The following ARMC9 variants were observed in gnomAD, a reference collection of about 807,000 sequenced individuals.
ARMC9 encodes the protein lisH domain-containing protein ARMC9.
A neutral mutation model predicts 107.0 loss-of-function variants in ARMC9; 94 were observed. That is an observed-to-expected ratio of 0.88 (90% CI 0.74 to 1.04). ARMC9 has a LOEUF of 1.04. Ranked by LOEUF, ARMC9 falls within the 50% of genes least tolerant of loss-of-function variation. The pLI is 0.00. For missense variants in ARMC9, 942 were observed against 1,030.1 expected (o/e 0.91, Z 1.17); for synonymous variants, 380 against 396.9 (o/e 0.96, Z 0.51).
At position 231,347,560 on chromosome 2, in the gene ARMC9, G is replaced by T. The variant is rs146521704; in HGVS notation, c.1994+2470G>T. Among the ~76,000 whole-genome samples, 638 of 152,296 alleles carry T rather than the reference G, an allele frequency of 4.2e-3. 4 individuals are homozygous for T. The highest frequency in any genetic ancestry group is 0.015 in the African/African-American group (603 of 41,544). On this transcript the variant is annotated intron_variant, in intron 21 of 24. Transcript: ENST00000611582. ...CAAAGTTTGAATGCTGGGGGTCTTA[G>T]ACATCATCCTCTACAGATAAGAGAC...
intron 19 of ARMC9, among the ~76,000 whole-genome samples, chr2:231,320,939 C>T (rs142737823): frequency 1.4e-3 from 217 of 152,256 alleles, no homozygotes; most frequent in African/African-American, 5.0e-3. Flanking sequence ...TGCTGAATGT[C>T]GAGTCAGTGA....
At chr2:231,319,283 C>T (rs2125531343) in intron 19 of ARMC9, among the ~76,000 whole-genome samples, 1 of 152,262 alleles carries the variant, frequency 6.6e-6, no homozygotes, top group South Asian at 2.1e-4. Context: ...CCTTGTAGAG[C>T]TCATGAACAT....
At chr2:231,349,240 A>G (rs980768423) in intron 21 of ARMC9, among the ~76,000 whole-genome samples, 1 of 152,234 alleles carries the variant, frequency 6.6e-6, no homozygotes, top group East Asian at 1.9e-4. Flanking sequence ...ACAATGGAGT[A>G]CTATTCAGTG....
At chr2:231,202,503 G>A (rs1314452639) in intron 1 of ARMC9, among the ~76,000 whole-genome samples, 1 of 151,370 alleles carries the variant, frequency 6.6e-6, no homozygotes, top group Non-Finnish European at 1.5e-5. Context: ...TTGTATTTCT[G>A]TAGAGATGAG....
At chr2:231,271,425 G>C (rs912780310) in intron 13 of ARMC9, among the ~76,000 whole-genome samples, 1 of 151,966 alleles carries the variant, frequency 6.6e-6, no homozygotes, top group Admixed American at 6.6e-5. Context: ...AAACAATTAC[G>C]GCAAAATAAG....
At chr2:231,266,676 A>G (rs918601045) in intron 12 of ARMC9, among the ~76,000 whole-genome samples, 5 of 152,146 alleles carry the variant, frequency 3.3e-5, no homozygotes, top group African/African-American at 7.2e-5. Context: ...GACTACTCCA[A>G]ATACCTCATA....
At chr2:231,346,149 A>T (rs1254955737) in intron 21 of ARMC9, among the ~76,000 whole-genome samples, 1 of 152,220 alleles carries the variant, frequency 6.6e-6, no homozygotes, top group Non-Finnish European at 1.5e-5. Context: ...TTAGTTACTG[A>T]TGTATAAACT....
In ARMC9 at chr2:231,374,614, A is replaced by G. The variant is rs1414291687; in HGVS notation, c.*3079A>G. On this transcript the variant is annotated 3_prime_UTR_variant, in exon 25 of 25. Transcript: ENST00000611582. ...AAGGTTCATGAAAAAAAAAGAAAAG[A>G]AAGAAAAGGTAAAGAAAAGAAATCC... 6.6e-6 allele frequency: 1 copy of G among 151,930 alleles called. No individual in the cohort carries two copies. The highest frequency in any genetic ancestry group is 2.4e-5 in the African/African-American group (1 of 41,302). 9.4% of individuals were successfully genotyped at this position (151,930 alleles called of 1,614,324 possible). A position where few individuals can be genotyped will look rare whatever the true frequency, so the allele number is the denominator to read the frequency against.
intron 19 of ARMC9, among the ~76,000 whole-genome samples, chr2:231,299,378 C>G (rs1018360454): frequency 6.6e-6 from 1 of 152,116 alleles, no homozygotes; most frequent in Non-Finnish European, 1.5e-5. Context: ...GCCCTCTTTG[C>G]TGACATTATA....
At chr2:231,294,188 G>A (rs2041207436) in intron 18 of ARMC9, 1 of 152,258 alleles carries the variant, frequency 6.6e-6, no homozygotes, top group Non-Finnish European at 1.5e-5. Flanking sequence ...AACCCCACAG[G>A]TGGGGAAGGA....
intron 3 of ARMC9, among the ~76,000 whole-genome samples, chr2:231,212,900 C>T (rs961713506): frequency 3.3e-5 from 5 of 152,192 alleles, no homozygotes; most frequent in Non-Finnish European, 5.9e-5. Context: ...TCTGAGTTTA[C>T]TTGAAATGTA....
At chr2:231,328,513 C>T (rs1336366952) in intron 19 of ARMC9, among the ~76,000 whole-genome samples, 1 of 152,050 alleles carries the variant, frequency 6.6e-6, no homozygotes, top group Non-Finnish European at 1.5e-5. Context: ...ATGTAAGATA[C>T]GAGAATTAGA....
chr2:231,217,243 A>G (rs2033610560), intron 5 of ARMC9, among the ~76,000 whole-genome samples: 1 of 152,274 alleles, frequency 6.6e-6, no homozygotes, highest in East Asian at 1.9e-4. Context: ...TATACATCAA[A>G]GCAAACAAAA....
chr2:231,352,482 T>C (rs1293445609), intron 21 of ARMC9, among the ~76,000 whole-genome samples: 1 of 151,574 alleles, frequency 6.6e-6, no homozygotes, highest in Non-Finnish European at 1.5e-5. Flanking sequence ...TTTTATTTTA[T>C]TTTTTTATTT....
chr2:231,342,614 G>A (rs1406850442), intron 20 of ARMC9, among the ~76,000 whole-genome samples: 2 of 152,056 alleles, frequency 1.3e-5, no homozygotes, highest in African/African-American at 4.8e-5. Context: ...TCACCCTGGA[G>A]CACCGTGATG....
At chr2:231,204,374 G>A (rs1209852574) in intron 1 of ARMC9, among the ~76,000 whole-genome samples, 2 of 151,976 alleles carry the variant, frequency 1.3e-5, no homozygotes, top group Non-Finnish European at 2.9e-5. Context: ...CAAGACTGCA[G>A]AGCTCTTCAG....
chr2:231,276,000 G>T (rs1321964190), intron 14 of ARMC9, among the ~76,000 whole-genome samples: 1 of 152,134 alleles, frequency 6.6e-6, no homozygotes, highest in African/African-American at 2.4e-5. Context: ...TATTTCTATG[G>T]TCCTGTTTCC....
intron 17 of ARMC9, among the ~76,000 whole-genome samples, chr2:231,290,372 T>C (rs917559300): frequency 1.3e-5 from 2 of 152,222 alleles, no homozygotes; most frequent in African/African-American, 4.8e-5. Context: ...CAAACTGGCC[T>C]ACATAAAAAG....
intron 23 of ARMC9, among the ~76,000 whole-genome samples, chr2:231,365,549 G>A (rs574574110): frequency 4.6e-5 from 7 of 152,280 alleles, no homozygotes; most frequent in Non-Finnish European, 7.4e-5. Context: ...TTCATAACCG[G>A]CTCTCAGTTA....
Sources: gnomAD v4.1 joint callset for allele counts (sites outside exome capture counted in the v4.1 genomes callset) on GRCh38, gnomAD v4.1.1 for gene constraint, MANE v1.5 for transcripts, NCBI Gene and HGNC (gene_info 2026-07-23, HGNC 2026-07-21) for gene names.